The following CSMD1 variants were observed in gnomAD, a reference collection of about 807,000 sequenced individuals.
CSMD1 encodes CUB and Sushi multiple domains 1, also known as CUB and sushi domain-containing protein 1.
CSMD1 carries 213 observed loss-of-function variants against 417.5 expected under a neutral mutation model. That is an observed-to-expected ratio of 0.51 (90% confidence interval 0.46 to 0.57). CSMD1 has a LOEUF of 0.57. Among genes scored for constraint, CSMD1 ranks in the 20% least tolerant of loss-of-function variants. The probability of loss-of-function intolerance (pLI) is 0.00; values close to 1 mark genes in which losing one functional copy is unlikely to be tolerated. For synonymous variants in CSMD1, 2,862 were observed against 1,736.8 expected (o/e 1.65, Z -16.11); for missense variants, 6,923 against 4,529.7 (o/e 1.53, Z -15.17).
chr8:3,859,497 A>G (rs1358994318), intron 5 of CSMD1, among the ~76,000 whole-genome samples: 4 of 152,186 alleles, frequency 2.6e-5, no homozygotes, highest in African/African-American at 4.8e-5. Flanking sequence ...CCATACTTAT[A>G]TCTTCGTTTA....
At chr8:3,403,941 G>C (rs1320282378) in intron 15 of CSMD1, among the ~76,000 whole-genome samples, 7 of 152,176 alleles carry the variant, frequency 4.6e-5, no homozygotes, top group African/African-American at 1.2e-4. Context: ...GCTATTAAGA[G>C]GGTTTTGTTG....
intron 3 of CSMD1, among the ~76,000 whole-genome samples, chr8:4,351,136 T>C (rs977384743): frequency 6.6e-6 from 1 of 150,638 alleles, no homozygotes; most frequent in African/African-American, 2.5e-5. Flanking sequence ...CCGGGCAACA[T>C]AGCAAGGTCC....
chr8:4,627,013 C>G (rs1802157996), intron 2 of CSMD1, among the ~76,000 whole-genome samples: 1 of 152,158 alleles, frequency 6.6e-6, no homozygotes, highest in African/African-American at 2.4e-5. Flanking sequence ...GCTTCATACT[C>G]TAAGTAATAT....
At chr8:4,238,962 G>C (rs1306253657) in intron 3 of CSMD1, among the ~76,000 whole-genome samples, 1 of 152,152 alleles carries the variant, frequency 6.6e-6, no homozygotes, top group Non-Finnish European at 1.5e-5. Context: ...GTAGAGAGTA[G>C]ACAGCCCAGA....
intron 8 of CSMD1, among the ~76,000 whole-genome samples, chr8:3,600,686 A>G (rs1331093941): frequency 2.6e-5 from 4 of 152,156 alleles, no homozygotes; most frequent in African/African-American, 2.4e-5. Context: ...GTCTAAAGCG[A>G]AAGTCTGCAG....
intron 3 of CSMD1, among the ~76,000 whole-genome samples, chr8:4,271,456 A>C (rs1426420248): frequency 1.3e-5 from 2 of 152,134 alleles, no homozygotes; most frequent in Non-Finnish European, 2.9e-5. Flanking sequence ...ACTGAAGAAA[A>C]ACTCACTGCA....
intron 2 of CSMD1, among the ~76,000 whole-genome samples, chr8:4,629,588 T>A (rs985679104): frequency 1.4e-4 from 22 of 152,214 alleles, no homozygotes; most frequent in African/African-American, 5.1e-4. Flanking sequence ...TGTTAAGTTT[T>A]AGGAAGTCCA....
At chr8:3,669,922 A>T (rs1375748606) in intron 7 of CSMD1, among the ~76,000 whole-genome samples, 1 of 152,168 alleles carries the variant, frequency 6.6e-6, no homozygotes, top group Non-Finnish European at 1.5e-5. Flanking sequence ...GGAAATGAAG[A>T]TGTTTGAGAC....
chr8:3,486,701 T>C (rs1818054913), intron 11 of CSMD1, among the ~76,000 whole-genome samples: 1 of 152,234 alleles, frequency 6.6e-6, no homozygotes, highest in Non-Finnish European at 1.5e-5. Context: ...GTGGGACCTA[T>C]GGCTTCTTCT....
At chr8:3,512,100 A>C (rs533469668) in intron 10 of CSMD1, among the ~76,000 whole-genome samples, 6 of 152,200 alleles carry the variant, frequency 3.9e-5, no homozygotes, top group Non-Finnish European at 5.9e-5. Context: ...TGACCTCCTC[A>C]TATTTCTCAT....
At chr8:3,830,452 A>C (rs1802311371) in intron 5 of CSMD1, among the ~76,000 whole-genome samples, 1 of 152,218 alleles carries the variant, frequency 6.6e-6, no homozygotes, top group Non-Finnish European at 1.5e-5. Context: ...TGATTGTTTT[A>C]ACACCATTTC....
intron 1 of CSMD1, among the ~76,000 whole-genome samples, chr8:4,959,414 C>A (rs1440840539): frequency 6.6e-6 from 1 of 152,222 alleles, no homozygotes; most frequent in East Asian, 1.9e-4. Flanking sequence ...TTGCACTGGA[C>A]ACAAGTGAGG....
chr8:3,941,122 CAT>C (rs1324446852), intron 5 of CSMD1, among the ~76,000 whole-genome samples: 8 of 151,986 alleles, frequency 5.3e-5, no homozygotes, highest in Admixed American at 6.6e-5. Context: ...AAAAATAACT[CAT>C]ATGTATACAG....
At chr8:4,674,390 T>C (rs1252903412) in intron 1 of CSMD1, among the ~76,000 whole-genome samples, 2 of 152,008 alleles carry the variant, frequency 1.3e-5, no homozygotes, top group Non-Finnish European at 2.9e-5. Flanking sequence ...AAAAAAGTTC[T>C]GAAGAAGGTA....
intron 6 of CSMD1, among the ~76,000 whole-genome samples, chr8:3,708,754 C>A (rs1396067234): frequency 2.6e-5 from 4 of 152,196 alleles, no homozygotes; most frequent in African/African-American, 9.7e-5. Flanking sequence ...CTTTACACAT[C>A]CAATCCTATT....
intron 1 of CSMD1, among the ~76,000 whole-genome samples, chr8:4,893,691 C>T (rs1804282583): frequency 6.6e-6 from 1 of 152,112 alleles, no homozygotes; most frequent in Non-Finnish European, 1.5e-5. Flanking sequence ...GTCACCTGTA[C>T]CATAGTCTAA....
At chr8:4,971,991 A>C (rs2117385841) in intron 1 of CSMD1, among the ~76,000 whole-genome samples, 1 of 152,240 alleles carries the variant, frequency 6.6e-6, no homozygotes, top group East Asian at 1.9e-4. Flanking sequence ...ATCAACATTT[A>C]TCTTCAAAGC....
intron 56 of CSMD1, among the ~76,000 whole-genome samples, chr8:2,973,855 A>ATGGTAGAGGATGG (rs1563196381): frequency 1.0e-4 from 14 of 138,866 alleles, no homozygotes; most frequent in African/African-American, 3.6e-4. Context: ...GTAGAGGATG[A>ATGGTAGAGGATGG]TGGTAGAGGA....
At chr8:4,488,514 A>C (rs1320255505) in intron 2 of CSMD1, among the ~76,000 whole-genome samples, 1 of 152,112 alleles carries the variant, frequency 6.6e-6, no homozygotes, top group Non-Finnish European at 1.5e-5. Context: ...TGAATCAAAC[A>C]TTGGATTTCT....
Sources: gnomAD v4.1 joint callset for allele counts (sites outside exome capture counted in the v4.1 genomes callset) on GRCh38, gnomAD v4.1.1 for gene constraint, MANE v1.5 for transcripts, NCBI Gene and HGNC (gene_info 2026-07-23, HGNC 2026-07-21) for gene names.